The following DNAJC5 variants were observed in gnomAD, a reference collection of about 807,000 sequenced individuals.
DNAJC5 encodes DnaJ heat shock protein family (Hsp40) member C5, also known as dnaJ homolog subfamily C member 5.
In DNAJC5, 1 loss-of-function variant was observed where a neutral mutation model predicts 23.2. The ratio of observed to expected loss-of-function variants is 0.04; its 90% confidence interval spans 0.02 to 0.20. DNAJC5 has a LOEUF of 0.20. Among genes scored for constraint, DNAJC5 ranks in the 10% least tolerant of loss-of-function variants. The pLI is 1.00. For missense variants in DNAJC5, 180 were observed against 267.0 expected, an observed-to-expected ratio of 0.67 and a Z score of 2.27; for synonymous variants, 136 against 120.0, an observed-to-expected ratio of 1.13 and a Z score of -0.87.
intron 1 of DNAJC5, among the ~76,000 whole-genome samples, 170 bp downstream of exon 1, chr20:63,895,493 C>A (rs1434985175): frequency 6.8e-6 from 1 of 147,112 alleles, no homozygotes; most frequent in African/African-American, 2.5e-5. Flanking sequence ...GACGCCGCGG[C>A]CTGGGCCGGG....
chr20:63,925,808 G>A (rs985260534), intron 1 of DNAJC5, among the ~76,000 whole-genome samples: 1 of 149,620 alleles, frequency 6.7e-6, no homozygotes, highest in Non-Finnish European at 1.5e-5. Flanking sequence ...AAAAATCTGG[G>A]CCTGGAATTT....
rs891908198 is a variant in DNAJC5 at position 63,929,016 on chromosome 20, C to T, written c.108-296C>T. On this transcript the variant is annotated intron_variant, in intron 2 of 4. Transcript: ENST00000360864. The surrounding 1 kb of genome is among the most constrained non-coding windows in gnomAD (Gnocchi z 8.6). ...GTTCACTTGGCACTTGTGCAGTTAG[C>T]GGCTGGGACACCAGGGCTGGCCTTG... Among the ~76,000 whole-genome samples the T allele has an allele frequency of 1.3e-5, 2 of 152,234 alleles. No homozygotes were observed. Among genetic ancestry groups the T allele is most frequent in the African/African-American group, 4.8e-5 (2 of 41,460 alleles).
At chr20:63,914,356 C>G (rs1172465699) in intron 1 of DNAJC5, among the ~76,000 whole-genome samples, 1 of 152,176 alleles carries the variant, frequency 6.6e-6, no homozygotes, top group Non-Finnish European at 1.5e-5. Flanking sequence ...GCTCTGTTGC[C>G]CAGGCTGGAG....
In DNAJC5 at chr20:63,919,278, G is replaced by C. The variant is rs563473696; in HGVS notation, c.-11-9057G>C. ...GTTTGGTTTATTTTGTTACCACTGAGTCCCCAGCTCTGAGAACAGAGCGAG... is the reference window on the plus strand; with the variant it reads ...GTTTGGTTTATTTTGTTACCACTGACTCCCCAGCTCTGAGAACAGAGCGAG... On this transcript the variant is annotated intron_variant, in intron 1 of 4. Transcript: ENST00000360864. 3.9e-5 allele frequency among the ~76,000 whole-genome samples: 6 copies of C among 152,352 alleles called. No individual in the cohort carries two copies. In the South Asian group the frequency reaches 1.0e-3, roughly 26 times the overall value.
chr20:63,903,834 C>T (rs1398192743), intron 1 of DNAJC5, among the ~76,000 whole-genome samples: 1 of 152,004 alleles, frequency 6.6e-6, no homozygotes, highest in African/African-American at 2.4e-5. Flanking sequence ...ACCTGTAACC[C>T]CAACACTTTG....
chr20:63,917,882 A>T (rs2053526164), intron 1 of DNAJC5, among the ~76,000 whole-genome samples: 1 of 152,056 alleles, frequency 6.6e-6, no homozygotes, highest in African/African-American at 2.4e-5. Flanking sequence ...CTGTGGTTTA[A>T]TTTGCATTTC....
At chr20:63,911,401 T>C (rs2053482071) in intron 1 of DNAJC5, among the ~76,000 whole-genome samples, 1 of 152,048 alleles carries the variant, frequency 6.6e-6, no homozygotes, top group African/African-American at 2.4e-5. Context: ...TGGCACTCTG[T>C]GTGTGAGCGA....
At chr20:63,902,859 A>G (rs2053423445) in intron 1 of DNAJC5, among the ~76,000 whole-genome samples, 1 of 147,844 alleles carries the variant, frequency 6.8e-6, no homozygotes, top group South Asian at 2.1e-4. Context: ...TTGTATTTTT[A>G]GTAGAGACGG....
chr20:63,906,740 C>T (rs945203778), intron 1 of DNAJC5, among the ~76,000 whole-genome samples: 6 of 151,548 alleles, frequency 4.0e-5, no homozygotes, highest in South Asian at 2.1e-4. Context: ...GAGCCGAGAT[C>T]GCGCCACTGC....
chr20:63,923,716 C>A (rs143879845), intron 1 of DNAJC5, among the ~76,000 whole-genome samples: 48 of 152,160 alleles, frequency 3.2e-4, no homozygotes, highest in Non-Finnish European at 6.0e-4. Context: ...TAAAGTCAGG[C>A]GGGGAAAAGA....
chr20:63,895,855 C>G (rs1361209599), intron 1 of DNAJC5, among the ~76,000 whole-genome samples: 1 of 152,168 alleles, frequency 6.6e-6, no homozygotes, highest in Non-Finnish European at 1.5e-5. Flanking sequence ...TAGAAAAAAC[C>G]TGTTTTCTCC....
chr20:63,931,173 G>A lies in DNAJC5; in HGVS notation c.493+151G>A. Reference sequence around the variant, plus strand: ...GCTGGGACTGTTGAGGTGTGAACGTGGACCCTGAGGTAAAGCAGGCGCATA... The same window carrying A: ...GCTGGGACTGTTGAGGTGTGAACGTAGACCCTGAGGTAAAGCAGGCGCATA... On this transcript the variant is annotated intron_variant, in intron 4 of 4. Coordinates refer to ENST00000360864, the MANE Select transcript of DNAJC5 (RefSeq NM_025219.3). This position sits in a 1 kb window ranked among gnomAD's most constrained non-coding sequence, Gnocchi z 9.6. The A allele has an allele frequency of 1.1e-6, 1 of 897,904 alleles. No homozygotes were observed. The highest frequency in any genetic ancestry group is 1.8e-6 in the Non-Finnish European group (1 of 564,230). The allele number at this position is 897,904 out of a possible 1,614,324, so 55.6% of individuals were successfully genotyped here.
At chr20:63,917,198 A>C (rs6011225) in intron 1 of DNAJC5, among the ~76,000 whole-genome samples, 65,974 of 152,066 alleles carry the variant, frequency 0.43, 16,398 homozygotes, top group East Asian at 0.94. Context: ...CAGCCGGTCC[A>C]TCTGTTCAGG....
rs1378791598 is a variant in DNAJC5, at chr20:63,929,231, C to T, written c.108-81C>T. 6.0e-6 allele frequency: 9 copies of T among 1,505,506 alleles called. No individual in the cohort carries two copies. The highest frequency in any genetic ancestry group is 4.9e-5 in the East Asian group (2 of 40,778). 93.3% of individuals were successfully genotyped at this position (1,505,506 alleles called of 1,614,324 possible). A position where few individuals can be genotyped will look rare whatever the true frequency, so the allele number is the denominator to read the frequency against. On this transcript the variant is annotated intron_variant, in intron 2 of 4. Coordinates refer to ENST00000360864, the MANE Select transcript of DNAJC5 (RefSeq NM_025219.3). The surrounding 1 kb of genome is among the most constrained non-coding windows in gnomAD (Gnocchi z 8.6). ...CTGCCTTCCACTGCACCCGGCAGTG[C>T]GTGCGGGTGGGATGGACGCGGCGGC... is the stretch of plus-strand genomic sequence containing the variant.
intron 1 of DNAJC5, among the ~76,000 whole-genome samples, chr20:63,916,577 A>G (rs886891592): frequency 2.6e-5 from 4 of 152,212 alleles, no homozygotes; most frequent in African/African-American, 9.6e-5. Flanking sequence ...CGGTGCATGT[A>G]TTGTCTTGAT....
In DNAJC5 at chr20:63,929,811, C is replaced by G. The variant is rs75457861; in HGVS notation, c.321+286C>G. On this transcript the variant is annotated intron_variant, in intron 3 of 4. Coordinates refer to ENST00000360864, the MANE Select transcript of DNAJC5 (RefSeq NM_025219.3). The surrounding 1 kb of genome is among the most constrained non-coding windows in gnomAD (Gnocchi z 8.6). Reference sequence around the variant, plus strand: ...GGTTCCCAGCATTGCAGAGCCCATGCGTTGATGCCAGCAACTCTACACTCC... The same window carrying G: ...GGTTCCCAGCATTGCAGAGCCCATGGGTTGATGCCAGCAACTCTACACTCC... Among the ~76,000 whole-genome samples, 525 of 151,366 alleles carry G rather than the reference C, an allele frequency of 3.5e-3. 3 individuals are homozygous for G. The highest frequency in any genetic ancestry group is 0.012 in the African/African-American group (502 of 40,652).
At position 63,929,566 on chromosome 20, in the gene DNAJC5, C is replaced by G. The variant is rs1413919669; in HGVS notation, c.321+41C>G. 2.5e-6 allele frequency: 4 copies of G among 1,606,160 alleles called. No individual in the cohort carries two copies. Among genetic ancestry groups the G allele is most frequent in the African/African-American group, 1.3e-5 (1 of 74,708 alleles). ...CTGCCGTGCGGGCACCCGAGTCACT[C>G]CTGCCGTGCGGGCACCCGAGTCTCT... is the stretch of plus-strand genomic sequence containing the variant. On this transcript the variant is annotated intron_variant, in intron 3 of 4. Transcript: ENST00000360864. This position sits in a 1 kb window ranked among gnomAD's most constrained non-coding sequence, Gnocchi z 8.6.
intron 1 of DNAJC5, among the ~76,000 whole-genome samples, chr20:63,907,720 T>G (rs1374983648): frequency 1.3e-5 from 2 of 152,264 alleles, no homozygotes; most frequent in Non-Finnish European, 2.9e-5. Flanking sequence ...GTCTCAATTT[T>G]GAGGTGAATG....
Position 63,931,177 on chromosome 20 carries a change from C to A in DNAJC5, c.493+155C>A, listed in dbSNP as rs1600888336. On this transcript the variant is annotated intron_variant, in intron 4 of 4. Transcript: ENST00000360864. The surrounding 1 kb of genome is among the most constrained non-coding windows in gnomAD (Gnocchi z 9.6). Reference sequence around the variant, plus strand: ...GGACTGTTGAGGTGTGAACGTGGACCCTGAGGTAAAGCAGGCGCATAGAGC... The same window carrying A: ...GGACTGTTGAGGTGTGAACGTGGACACTGAGGTAAAGCAGGCGCATAGAGC... 15 of 893,492 alleles carry A rather than the reference C, an allele frequency of 1.7e-5. No individual in the cohort carries two copies. In the East Asian group the frequency reaches 3.2e-4, roughly 19 times the overall value. 55.3% of individuals were successfully genotyped at this position (893,492 alleles called of 1,614,324 possible).
Sources: gnomAD v4.1 joint callset for allele counts (sites outside exome capture counted in the v4.1 genomes callset) on GRCh38, gnomAD v4.1.1 for gene constraint, Gnocchi (gnomAD v3.1) non-coding constraint, MANE v1.5 for transcripts, NCBI Gene and HGNC (gene_info 2026-07-23, HGNC 2026-07-21) for gene names.